DNAJC3: variants seen among roughly 807,000 people sequenced by gnomAD.
DNAJC3 encodes the protein dnaJ homolog subfamily C member 3.
A neutral mutation model predicts 68.6 loss-of-function variants in DNAJC3; 38 were observed. The observed-to-expected ratio is 0.55, with a 90% confidence interval of 0.43 to 0.73. DNAJC3 has a LOEUF of 0.73. DNAJC3 is among the 30% of genes least tolerant of loss of function. The pLI is 0.00. For missense variants in DNAJC3, 526 were observed against 591.9 expected (o/e 0.89, Z 1.16); for synonymous variants, 203 against 204.0 (o/e 1.00, Z 0.04).
At chr13:95,733,018 T>C (rs1881765868) in intron 4 of DNAJC3, among the ~76,000 whole-genome samples, 1 of 152,208 alleles carries the variant, frequency 6.6e-6, no homozygotes, top group Admixed American at 6.5e-5. Flanking sequence ...GATTTTGATA[T>C]TTAAAAATTT....
rs1193979630 is a variant in DNAJC3, at chr13:95,704,851, G to GT, written c.83-4358dup. ...AGAAAGGACTAATCTGTGTGTGTGT[G>GT]TTTTTTTTTTTTTTTTTTGAGACAG... On this transcript the variant is annotated intron_variant, in intron 1 of 11. Transcript: ENST00000602402. Among the ~76,000 whole-genome samples, 977 of 97,830 alleles carry GT rather than the reference G, an allele frequency of 1.0e-2. 64 individuals carry two copies. Among genetic ancestry groups the GT allele is most frequent in the Middle Eastern group, 0.022 (4 of 178 alleles). 64.2% of individuals were successfully genotyped at this position (97,830 alleles called of 152,430 possible).
chr13:95,699,096 GAA>G (rs2139615192), intron 1 of DNAJC3, among the ~76,000 whole-genome samples: 1 of 152,334 alleles, frequency 6.6e-6, no homozygotes, highest in African/African-American at 2.4e-5. Context: ...TATGGGGAAA[GAA>G]GGGTCTGCAC....
At chr13:95,760,539 G>A (rs1269566858) in intron 6 of DNAJC3, 140 bp from the exon 7 acceptor site, 3 of 1,078,146 alleles carry the variant, frequency 2.8e-6, no homozygotes, top group African/African-American at 3.2e-5. Context: ...ACGTATAAAT[G>A]TATATAGTAA....
chr13:95,736,156 G>C (rs1881910258), intron 4 of DNAJC3, among the ~76,000 whole-genome samples: 1 of 152,014 alleles, frequency 6.6e-6, no homozygotes, highest in South Asian at 2.1e-4. Flanking sequence ...ATTTCTGAGG[G>C]CTCTGTTCTG....
chr13:95,783,653 G>C (rs1165943053), intron 9 of DNAJC3, among the ~76,000 whole-genome samples: 1 of 152,144 alleles, frequency 6.6e-6, no homozygotes, highest in African/African-American at 2.4e-5. Flanking sequence ...AAGATTGAAG[G>C]GTCCCCTTCC....
chr13:95,734,265 T>G (rs1040068554), intron 4 of DNAJC3, among the ~76,000 whole-genome samples: 2 of 152,218 alleles, frequency 1.3e-5, no homozygotes, highest in Non-Finnish European at 2.9e-5. Flanking sequence ...ATTTTTCTCC[T>G]TCATTTATGA....
At chr13:95,751,322 G>T (rs1173780169) in intron 4 of DNAJC3, among the ~76,000 whole-genome samples, 2 of 152,202 alleles carry the variant, frequency 1.3e-5, no homozygotes, top group Non-Finnish European at 2.9e-5. Context: ...TGTGCAAGAT[G>T]AACAATACAG....
intron 4 of DNAJC3, among the ~76,000 whole-genome samples, chr13:95,748,590 C>T (rs1882380717): frequency 6.6e-6 from 1 of 152,038 alleles, no homozygotes; most frequent in Non-Finnish European, 1.5e-5. Flanking sequence ...TCAAGGTGGG[C>T]AGATCACCTG....
In DNAJC3 at chr13:95,709,356, A is replaced by C. The variant is rs1279945876; in HGVS notation, c.193+19A>C. On this transcript the variant is annotated intron_variant, in intron 2 of 11. Transcript: ENST00000602402. ...GCCGTAGGTTTGTATCATGGAACCAAATCACTCAGTGTCTGTCTTAGTGAA... is the reference window on the plus strand; with the variant it reads ...GCCGTAGGTTTGTATCATGGAACCACATCACTCAGTGTCTGTCTTAGTGAA... The C allele has an allele frequency of 6.4e-7, 1 of 1,559,950 alleles. No individual in the cohort carries two copies. The highest frequency in any genetic ancestry group is 8.7e-7 in the Non-Finnish European group (1 of 1,150,072).
chr13:95,719,665 T>C (rs1344162080), intron 2 of DNAJC3, among the ~76,000 whole-genome samples: 1 of 152,242 alleles, frequency 6.6e-6, no homozygotes, highest in Non-Finnish European at 1.5e-5. Context: ...ATATATCTTA[T>C]AGTACAACAG....
intron 11 of DNAJC3, among the ~76,000 whole-genome samples, chr13:95,789,776 C>T (rs1274320852): frequency 7.6e-6 from 1 of 131,750 alleles, no homozygotes; most frequent in Admixed American, 7.3e-5. Context: ...AGTGTATAAG[C>T]GTTCCTTTTT....
At chr13:95,682,019 CCTT>C (rs1282070805) in intron 1 of DNAJC3, among the ~76,000 whole-genome samples, 3 of 152,206 alleles carry the variant, frequency 2.0e-5, no homozygotes, top group African/African-American at 7.2e-5. Flanking sequence ...TTTCCTCTCA[CCTT>C]CTGAAAATGT....
In DNAJC3 at chr13:95,794,685, G is replaced by C. The variant is rs1005809922; in HGVS notation, c.*3655G>C. Reference sequence around the variant, plus strand: ...TAAGAGTAAAATTAGCCACTGCGTGGCTTTGTGTATAGTAACCGGTTTTGT... The same window carrying C: ...TAAGAGTAAAATTAGCCACTGCGTGCCTTTGTGTATAGTAACCGGTTTTGT... On this transcript the variant is annotated 3_prime_UTR_variant, in exon 12 of 12. Coordinates refer to ENST00000602402, the MANE Select transcript of DNAJC3 (RefSeq NM_006260.5). The C allele has an allele frequency of 3.3e-5, 5 of 152,200 alleles. No homozygotes were observed. Among genetic ancestry groups the C allele is most frequent in the African/African-American group, 1.2e-4 (5 of 41,442 alleles). The allele number at this position is 152,200 out of a possible 1,614,324, so 9.4% of individuals were successfully genotyped here.
At chr13:95,705,141 C>T (rs541448937) in intron 1 of DNAJC3, among the ~76,000 whole-genome samples, 5 of 152,092 alleles carry the variant, frequency 3.3e-5, no homozygotes, top group South Asian at 4.1e-4. Flanking sequence ...CATGAGCCAC[C>T]GCACCTGGCC....
At chr13:95,789,447 C>T (rs1370901613) in intron 11 of DNAJC3, among the ~76,000 whole-genome samples, 4 of 152,256 alleles carry the variant, frequency 2.6e-5, no homozygotes, top group African/African-American at 9.6e-5. Context: ...GGATAGTGGC[C>T]TCCAGCTCCA....
chr13:95,690,019 G>A (rs1327947894), intron 1 of DNAJC3, among the ~76,000 whole-genome samples: 1 of 150,490 alleles, frequency 6.6e-6, no homozygotes, highest in African/African-American at 2.5e-5. Flanking sequence ...ATCATTCTTG[G>A]GTGTTTCTCG....
intron 1 of DNAJC3, among the ~76,000 whole-genome samples, chr13:95,708,759 A>G (rs889922999): frequency 1.3e-5 from 2 of 152,152 alleles, no homozygotes; most frequent in African/African-American, 4.8e-5. Context: ...TCCCACGATA[A>G]CATCAGGCGC....
At chr13:95,788,512 T>C (rs888643127) in intron 11 of DNAJC3, among the ~76,000 whole-genome samples, 8 of 152,246 alleles carry the variant, frequency 5.3e-5, no homozygotes, top group African/African-American at 1.7e-4. Flanking sequence ...TTTTTTACTA[T>C]GCATATATCA....
chr13:95,747,889 T>C (rs553325443), intron 4 of DNAJC3, among the ~76,000 whole-genome samples: 110 of 152,318 alleles, frequency 7.2e-4, no homozygotes, highest in African/African-American at 2.6e-3. Context: ...TTGTCCATGC[T>C]ATTCCCTGAG....
Sources: allele counts gnomAD v4.1 joint callset (sites outside exome capture counted in the v4.1 genomes callset), GRCh38; gene constraint gnomAD v4.1.1; transcripts MANE v1.5; gene names NCBI Gene and HGNC (gene_info 2026-07-23, HGNC 2026-07-21).